AFAP1L2: variants seen among roughly 807,000 people sequenced by gnomAD.
AFAP1L2 encodes actin filament-associated protein 1-like 2.
A neutral mutation model predicts 99.3 loss-of-function variants in AFAP1L2; 46 were observed. That is an observed-to-expected ratio of 0.46 (90% CI 0.37 to 0.59). AFAP1L2 has a LOEUF of 0.59. AFAP1L2 is among the 20% of genes least tolerant of loss of function. The pLI, the probability that AFAP1L2 is intolerant of heterozygous loss-of-function variation, is 0.00. For synonymous variants in AFAP1L2, 397 were observed against 419.1 expected (o/e 0.95, Z 0.64); for missense variants, 959 against 1,034.9 (o/e 0.93, Z 1.01).
Position 114,296,694 on chromosome 10 carries a change from C to A in AFAP1L2, c.2430+284G>T, listed in dbSNP as rs998097117. 1.3e-5 allele frequency: 5 copies of A among 390,116 alleles called. No homozygotes were observed. The Admixed American group carries it at 1.9e-4, about 14-fold the overall frequency. The allele number at this position is 390,116 out of a possible 1,614,324, so 24.2% of individuals were successfully genotyped here. ...GTCATAATCTGTCCCTGAGCTGCAG[C>A]TGGCCTCCTGGAATCTACCCATAGC... On this transcript the variant is annotated intron_variant, in intron 18 of 18. Coordinates refer to ENST00000304129, the MANE Select transcript of AFAP1L2 (RefSeq NM_001001936.3).
At chr10:114,384,689 C>T (rs951835262) in intron 1 of AFAP1L2, among the ~76,000 whole-genome samples, 3 of 152,218 alleles carry the variant, frequency 2.0e-5, no homozygotes, top group African/African-American at 4.8e-5. Context: ...CCAGCAGCAC[C>T]GGTTAAACAC....
downstream of AFAP1L2, among the ~76,000 whole-genome samples, chr10:114,293,836 T>A (rs1419341434): frequency 6.6e-6 from 1 of 152,220 alleles, no homozygotes; most frequent in Admixed American, 6.5e-5. Context: ...GTATACCACT[T>A]CTTTTTCTTG....
At chr10:114,326,061 G>C in intron 4 of AFAP1L2, 1 of 1,286,012 alleles carries the variant, frequency 7.8e-7, no homozygotes, top group Non-Finnish European at 1.0e-6. Flanking sequence ...ACAGGACAAA[G>C]GGAGGAGTGA....
At chr10:114,350,135 C>G (rs1467741278) in intron 1 of AFAP1L2, among the ~76,000 whole-genome samples, 2 of 152,168 alleles carry the variant, frequency 1.3e-5, no homozygotes, top group African/African-American at 4.8e-5. Context: ...CAGCTGGAAT[C>G]AGAGCTTCTC....
intron 1 of AFAP1L2, among the ~76,000 whole-genome samples, chr10:114,383,035 A>C (rs545398328): frequency 5.3e-5 from 8 of 152,292 alleles, no homozygotes; most frequent in Admixed American, 1.3e-4. Context: ...ACAAACACTC[A>C]CATGTACTCC....
chr10:114,383,383 G>GGAGGGAAGGAGGAGAAAAGAGA (rs1320209335), intron 1 of AFAP1L2, among the ~76,000 whole-genome samples: 1 of 152,036 alleles, frequency 6.6e-6, no homozygotes, highest in East Asian at 1.9e-4. Flanking sequence ...AAGGGTGAAG[G>GGAGGGAAGGAGGAGAAAAGAGA]GAGGGAAGGA....
intron 7 of AFAP1L2, among the ~76,000 whole-genome samples, chr10:114,312,050 T>C (rs2043323822): frequency 6.6e-6 from 1 of 152,168 alleles, no homozygotes; most frequent in African/African-American, 2.4e-5. Context: ...CTGTGGAGGC[T>C]GGACACAGAA....
intron 1 of AFAP1L2, among the ~76,000 whole-genome samples, chr10:114,388,118 G>A (rs768670481): frequency 6.6e-6 from 1 of 152,172 alleles, no homozygotes; most frequent in Non-Finnish European, 1.5e-5. Flanking sequence ...TGGATCCAAG[G>A]TGGTCTACCT....
chr10:114,310,882 C>T (rs935716436), intron 7 of AFAP1L2, among the ~76,000 whole-genome samples: 11 of 152,198 alleles, frequency 7.2e-5, no homozygotes, highest in African/African-American at 1.9e-4. Flanking sequence ...GGAGTCTCCA[C>T]GCTGCCTGAG....
At position 114,323,265 on chromosome 10, in the gene AFAP1L2, T is replaced by C; in HGVS notation, c.316-4A>G. ...CAAGCTGTTTCCGTTCTGGAATCTG[T>C]GGTATGAACAAATAAGACAAACGTT... On this transcript the variant is annotated splice_region_variant and splice_polypyrimidine_tract_variant and intron_variant, in intron 4 of 18. Transcript: ENST00000304129. The C allele has an allele frequency of 1.3e-6, 2 of 1,588,344 alleles. No homozygotes were observed. The highest frequency in any genetic ancestry group is 1.1e-5 in the South Asian group (1 of 87,236).
chr10:114,341,761 T>A (rs977679087), intron 1 of AFAP1L2, among the ~76,000 whole-genome samples: 2 of 152,094 alleles, frequency 1.3e-5, no homozygotes, highest in African/African-American at 4.8e-5. Context: ...CCTCTTTCCT[T>A]CTCTGGTCTT....
At chr10:114,296,260 A>C in intron 18 of AFAP1L2, 192 bp from the exon 19 acceptor site, 2 of 691,078 alleles carry the variant, frequency 2.9e-6, no homozygotes, top group Non-Finnish European at 5.0e-6. Flanking sequence ...ACTGTGGCAC[A>C]ACAGCGAGTG....
chr10:114,369,200 T>A (rs2053735894), intron 1 of AFAP1L2, among the ~76,000 whole-genome samples: 1 of 152,102 alleles, frequency 6.6e-6, no homozygotes, highest in Non-Finnish European at 1.5e-5. Context: ...CTCACGCTTG[T>A]AATCCCAGCA....
At position 114,297,085 on chromosome 10, in the gene AFAP1L2, G is replaced by C; in HGVS notation, c.2323C>G (p.Pro775Ala). 6.2e-7 allele frequency: 1 copy of C among 1,614,230 alleles called. No individual in the cohort carries two copies. Among genetic ancestry groups the C allele is most frequent in the South Asian group, 1.1e-5 (1 of 91,074 alleles). The change falls in exon 18 of 19, where the codon CCT becomes GCT. Residue 775 changes from proline (P) to alanine (A), a missense_variant. Transcript: ENST00000304129. ...NVSPRPKAVT[P>A]ASAPDCTPVN... Reference sequence around the variant, plus strand: ...GGGGTACAGTCTGGGGCAGAGGCAGGTGTGACAGCTTTGGGCTGTGGTTAT... The same window carrying C: ...GGGGTACAGTCTGGGGCAGAGGCAGCTGTGACAGCTTTGGGCTGTGGTTAT...
chr10:114,386,737 A>C (rs1024294852), intron 1 of AFAP1L2, among the ~76,000 whole-genome samples: 1 of 152,218 alleles, frequency 6.6e-6, no homozygotes, highest in African/African-American at 2.4e-5. Context: ...GCAGCCAGGG[A>C]GTGACCGAGC....
At position 114,297,285 on chromosome 10, in the gene AFAP1L2, C is replaced by G; in HGVS notation, c.2242G>C (p.Glu748Gln). The G allele has an allele frequency of 6.2e-7, 1 of 1,614,080 alleles. No individual in the cohort carries two copies. Residue 748 changes from glutamate to glutamine, a missense_variant, in exon 17 of 19, where the codon GAG (glutamate) becomes CAG (glutamine). Glu to Gln is a conservative substitution (Grantham distance 29, BLOSUM62 2). Around this residue, in one of 2 missense-constraint regions of AFAP1L2, gnomAD observed 576 missense variants for 562.1 expected, o/e 1.02. Transcript: ENST00000304129. Reference sequence around the variant, plus strand: ...GTGCCTAACGTCACAGGCCCTGCCTCAGCCTTCTTCAGGTTGTCCTTCACC... The same window carrying G: ...GTGCCTAACGTCACAGGCCCTGCCTGAGCCTTCTTCAGGTTGTCCTTCACC... ...MEVKDNLKKA[E>Q]AGPVTLGTTV...
intron 10 of AFAP1L2, 51 bp from the exon 11 acceptor site, chr10:114,304,981 GCA>G: frequency 7.5e-7 from 1 of 1,329,492 alleles, no homozygotes; most frequent in Admixed American, 1.9e-5. Context: ...AGGAGGGGAC[GCA>G]GATGCAGGAG....
downstream of AFAP1L2, among the ~76,000 whole-genome samples, chr10:114,291,891 G>A (rs946787347): frequency 6.6e-6 from 1 of 152,204 alleles, no homozygotes; most frequent in African/African-American, 2.4e-5. Context: ...GATGATGGGG[G>A]AGGGGCTGAG....
intron 1 of AFAP1L2, among the ~76,000 whole-genome samples, chr10:114,348,861 G>A (rs989870195): frequency 2.6e-4 from 39 of 152,282 alleles, no homozygotes; most frequent in Non-Finnish European, 1.9e-4. Flanking sequence ...GCACAGCCAA[G>A]GTCAAGAACT....
Sources: allele counts gnomAD v4.1 joint callset (sites outside exome capture counted in the v4.1 genomes callset), GRCh38; gene constraint gnomAD v4.1.1; regional missense constraint gnomAD v4.1.1; transcripts MANE v1.5; gene names NCBI Gene and HGNC (gene_info 2026-07-23, HGNC 2026-07-21).